FERMT2: variants seen among roughly 807,000 people sequenced by gnomAD.
FERMT2 encodes FERM domain containing kindlin 2, also known as fermitin family homolog 2.
A neutral mutation model predicts 82.7 loss-of-function variants in FERMT2; 15 were observed. The observed-to-expected ratio is 0.18, with a 90% CI of 0.12 to 0.28. FERMT2 has a LOEUF of 0.28. Ranked by LOEUF, FERMT2 falls within the 10% of genes least tolerant of loss-of-function variation. The probability of loss-of-function intolerance (pLI) is 1.00; values close to 1 mark genes in which losing one functional copy is unlikely to be tolerated. For synonymous variants in FERMT2, 274 were observed against 271.5 expected (o/e 1.01, Z -0.09); for missense variants, 645 against 809.4 (o/e 0.80, Z 2.46).
chr14:52,861,353 C>G (rs978341716), intron 12 of FERMT2: 1 of 309,992 alleles, frequency 3.2e-6, no homozygotes, highest in African/African-American at 2.2e-5. Context: ...ATATTTCTTT[C>G]CCCCTACATC....
intron 12 of FERMT2, 119 bp downstream of exon 12, chr14:52,864,282 C>A (rs952393008): frequency 4.4e-6 from 3 of 675,310 alleles, no homozygotes; most frequent in Non-Finnish European, 7.6e-6. Context: ...ATTTTATATT[C>A]TAACCATCTG....
chr14:52,886,271 G>A (rs1030770207), intron 4 of FERMT2, among the ~76,000 whole-genome samples: 2 of 141,704 alleles, frequency 1.4e-5, no homozygotes, highest in African/African-American at 2.5e-5. Flanking sequence ...AAACTCTTGG[G>A]GGGGAGAGAG....
At chr14:52,902,245 T>C (rs1376191315) in intron 3 of FERMT2, among the ~76,000 whole-genome samples, 1 of 151,342 alleles carries the variant, frequency 6.6e-6, no homozygotes, top group African/African-American at 2.4e-5. Flanking sequence ...ATACAAAAAT[T>C]AGCTGGGCAT....
intron 3 of FERMT2, among the ~76,000 whole-genome samples, chr14:52,908,412 C>A (rs1888136005): frequency 6.6e-6 from 1 of 151,958 alleles, no homozygotes; most frequent in Non-Finnish European, 1.5e-5. Flanking sequence ...AATAATGAGC[C>A]CAGCCCTTCG....
chr14:52,948,346 C>T (rs1431747689), intron 2 of FERMT2, among the ~76,000 whole-genome samples: 1 of 152,204 alleles, frequency 6.6e-6, no homozygotes, highest in Non-Finnish European at 1.5e-5. Flanking sequence ...AAATGCTGCC[C>T]TACCGAATCT....
intron 2 of FERMT2, among the ~76,000 whole-genome samples, chr14:52,923,488 T>C (rs1249391676): frequency 6.6e-6 from 1 of 152,120 alleles, no homozygotes; most frequent in Non-Finnish European, 1.5e-5. Context: ...AATGGTACAA[T>C]AAAATCTCAA....
chr14:52,941,139 A>C (rs1483960869), intron 2 of FERMT2, among the ~76,000 whole-genome samples: 2 of 152,214 alleles, frequency 1.3e-5, no homozygotes, highest in African/African-American at 4.8e-5. Flanking sequence ...ACTCAGTGAT[A>C]AAAAACTATT....
intron 2 of FERMT2, among the ~76,000 whole-genome samples, chr14:52,927,675 G>A (rs1289034960): frequency 1.3e-5 from 2 of 151,040 alleles, no homozygotes; most frequent in Non-Finnish European, 2.9e-5. Flanking sequence ...AGGCTGAGGT[G>A]GGAGGACCCC....
intron 2 of FERMT2, among the ~76,000 whole-genome samples, chr14:52,921,692 A>G (rs1362805749): frequency 6.6e-6 from 1 of 152,174 alleles, no homozygotes; most frequent in Non-Finnish European, 1.5e-5. Context: ...TAGTATATAT[A>G]GGCTGAGCCT....
chr14:52,863,803 T>C (rs1271696559), intron 12 of FERMT2: 6 of 152,230 alleles, frequency 3.9e-5, no homozygotes, highest in Admixed American at 3.9e-4. Flanking sequence ...TGAGAAATGC[T>C]GGCTGCACTT....
In FERMT2 at chr14:52,951,011, C is replaced by T. The variant is rs1009253621; in HGVS notation, c.-100G>A. 6.5e-6 allele frequency: 1 copy of T among 152,884 alleles called. No individual in the cohort carries two copies. Among genetic ancestry groups the T allele is most frequent in the African/African-American group, 2.4e-5 (1 of 41,356 alleles). The allele number at this position is 152,884 out of a possible 1,614,324, so 9.5% of individuals were successfully genotyped here. ...GGGCGGCGGTGTCCGCGTCCGGTTC[C>T]TCGGCTGGCGAAGCGCTGCCTGTGG... On this transcript the variant is annotated 5_prime_UTR_variant, in exon 1 of 15. Transcript: ENST00000341590.
intron 3 of FERMT2, among the ~76,000 whole-genome samples, chr14:52,910,489 G>A (rs911571995): frequency 1.3e-5 from 2 of 151,126 alleles, no homozygotes; most frequent in Admixed American, 6.6e-5. Flanking sequence ...GCCAGAATAC[G>A]TTACATTAAA....
chr14:52,911,807 G>C lies in FERMT2; in HGVS notation c.391+7316C>G, dbSNP rs185206513. ...TATAGCAATAACAGTGTTAAATTAT[G>C]TATTAAATATGCATTTATTAAATAT... On this transcript the variant is annotated intron_variant, in intron 3 of 14. Transcript: ENST00000341590. Among the ~76,000 whole-genome samples, 59 of 152,194 alleles carry C rather than the reference G, an allele frequency of 3.9e-4. 3 individuals carry two copies. In the East Asian group the frequency reaches 0.011, roughly 27 times the overall value.
intron 2 of FERMT2, among the ~76,000 whole-genome samples, chr14:52,923,052 AAC>A (rs1411886069): frequency 6.6e-6 from 1 of 152,314 alleles, no homozygotes; most frequent in East Asian, 1.9e-4. Flanking sequence ...AGGCAACTGC[AAC>A]ACAGTGATAA....
intron 6 of FERMT2, among the ~76,000 whole-genome samples, chr14:52,879,145 A>C (rs1458573934): frequency 1.3e-5 from 2 of 152,206 alleles, no homozygotes; most frequent in African/African-American, 4.8e-5. Context: ...CACTGTGGAG[A>C]AGCATACCCA....
chr14:52,860,098 T>A (rs1287119609), intron 13 of FERMT2: 1 of 399,822 alleles, frequency 2.5e-6, no homozygotes, highest in Non-Finnish European at 4.5e-6. Flanking sequence ...ATTACAGGCG[T>A]GAGCCACCGT....
intron 3 of FERMT2, among the ~76,000 whole-genome samples, chr14:52,896,606 C>T (rs1887267730): frequency 6.6e-6 from 1 of 152,108 alleles, no homozygotes; most frequent in Non-Finnish European, 1.5e-5. Context: ...GACAACAGTG[C>T]CTCAGGAGGT....
chr14:52,904,592 C>G (rs1010500610), intron 3 of FERMT2, among the ~76,000 whole-genome samples: 7 of 151,784 alleles, frequency 4.6e-5, no homozygotes, highest in Admixed American at 3.9e-4. Context: ...ACTCGGGAGG[C>G]TGAGGCATGA....
At chr14:52,950,382 T>A (rs772185153) in intron 2 of FERMT2, 30 bp downstream of exon 2, 4 of 1,590,524 alleles carry the variant, frequency 2.5e-6, no homozygotes, top group African/African-American at 2.7e-5. Flanking sequence ...TGGGAAGTCA[T>A]TAGTTGGACG....
Sources: allele counts gnomAD v4.1 joint callset (sites outside exome capture counted in the v4.1 genomes callset), GRCh38; gene constraint gnomAD v4.1.1; transcripts MANE v1.5; gene names NCBI Gene and HGNC (gene_info 2026-07-23, HGNC 2026-07-21).